The following SLC25A18 variants were observed in gnomAD, a reference collection of about 807,000 sequenced individuals.
The protein encoded by SLC25A18 is solute carrier family 25 member 18.
A neutral mutation model predicts 31.1 loss-of-function variants in SLC25A18; 24 were observed. The observed-to-expected ratio is 0.77, with a 90% CI of 0.56 to 1.08. The LOEUF (loss-of-function observed/expected upper bound fraction) is 1.08. SLC25A18 is among the 50% of genes least tolerant of loss of function. The probability of loss-of-function intolerance (pLI) is 0.00; values close to 1 mark genes in which losing one functional copy is unlikely to be tolerated. For synonymous variants in SLC25A18, 173 were observed against 161.9 expected (o/e 1.07, Z -0.52); for missense variants, 371 against 418.5 (o/e 0.89, Z 0.99).
Position 17,590,812 on chromosome 22 carries a change from C to G in SLC25A18, c.*576C>G, listed in dbSNP as rs1232320140. Reference sequence around the variant, plus strand: ...CTCTGACTGGGCAGCTCAGCCCCTCCCCCAGAGCCCAGGGTCTTGCACACC... The same window carrying G: ...CTCTGACTGGGCAGCTCAGCCCCTCGCCCAGAGCCCAGGGTCTTGCACACC... On this transcript the variant is annotated 3_prime_UTR_variant, in exon 11 of 11. Coordinates refer to ENST00000327451, the MANE Select transcript of SLC25A18 (RefSeq NM_031481.3). 6.5e-6 allele frequency: 1 copy of G among 152,888 alleles called. No homozygotes were observed. The highest frequency in any genetic ancestry group is 1.5e-5 in the Non-Finnish European group (1 of 68,562). 9.5% of individuals were successfully genotyped at this position (152,888 alleles called of 1,614,324 possible). A position where few individuals can be genotyped will look rare whatever the true frequency, so the allele number is the denominator to read the frequency against.
intron 1 of SLC25A18, among the ~76,000 whole-genome samples, chr22:17,569,124 T>G (rs1008672137): frequency 1.3e-5 from 2 of 150,564 alleles, no homozygotes; most frequent in African/African-American, 4.9e-5. Flanking sequence ...TTCTCCTGCC[T>G]CCGCATCCCG....
chr22:17,579,676 G>A (rs1187704114), intron 2 of SLC25A18, 69 bp from the exon 3 acceptor site: 3 of 1,213,342 alleles, frequency 2.5e-6, no homozygotes, highest in East Asian at 3.2e-5. Context: ...CAAGCGGGCC[G>A]CATGAATCCA....
chr22:17,588,061 G>T lies in SLC25A18; in HGVS notation c.712G>T (p.Ala238Ser). 6.2e-7 allele frequency: 1 copy of T among 1,614,056 alleles called. No homozygotes were observed. The highest frequency in any genetic ancestry group is 1.1e-5 in the South Asian group (1 of 90,998). The stretch of plus-strand genomic sequence containing the variant: ...TGTGGCAGGTTCCATAGCTGCGGTC[G>T]CAGTGACGCCTCTAGATGGTAAGGA... ...GCVAGSIAAV[A>S]VTPLDVLKTR... The change falls in exon 9 of 11, where the codon GCA (alanine) becomes TCA (serine). Residue 238 changes from alanine (A) to serine (S), a missense_variant. Transcript: ENST00000327451.
At chr22:17,571,570 T>C (rs2146214058) in intron 2 of SLC25A18, among the ~76,000 whole-genome samples, 1 of 151,450 alleles carries the variant, frequency 6.6e-6, no homozygotes, top group East Asian at 1.9e-4. Context: ...GGCTGACGAG[T>C]TCAAGACCAG....
intron 5 of SLC25A18, 180 bp from the exon 6 acceptor site, chr22:17,582,383 A>C (rs938142017): frequency 2.1e-6 from 1 of 481,860 alleles, no homozygotes; most frequent in African/African-American, 2.0e-5. Context: ...CTAAAAAAAA[A>C]GGAGAATGTG....
chr22:17,579,665 G>A, intron 2 of SLC25A18, 80 bp from the exon 3 acceptor site: 1 of 1,162,794 alleles, frequency 8.6e-7, no homozygotes, highest in Non-Finnish European at 1.1e-6. Flanking sequence ...AAAAAGTGGA[G>A]CAAGCGGGCC....
At chr22:17,580,932 TG>T in intron 3 of SLC25A18, 104 bp from the exon 4 acceptor site, 1 of 1,456,732 alleles carries the variant, frequency 6.9e-7, no homozygotes. Context: ...CCTGTGGGGC[TG>T]GGGTTCCCCA....
At chr22:17,586,375 G>A (rs145554242) in intron 7 of SLC25A18, among the ~76,000 whole-genome samples, 2,139 of 148,922 alleles carry the variant, frequency 0.014, 56 homozygotes, top group African/African-American at 0.05. Flanking sequence ...CAGGTATGGT[G>A]GCACATGCCT....
At position 17,585,632 on chromosome 22, in the gene SLC25A18, T is replaced by TA. The variant is rs1346522712; in HGVS notation, c.410-1504_410-1503insA. On this transcript the variant is annotated intron_variant, in intron 7 of 10. Transcript: ENST00000327451. ...AACATTTTATTTTATTATTATTTAT[T>TA]TTATTATTATTATTATTATTTTTTT... Among the ~76,000 whole-genome samples the TA allele has an allele frequency of 1.1e-4, 15 of 140,902 alleles. No homozygotes were observed. In the East Asian group the frequency reaches 1.8e-3, roughly 17 times the overall value. 92.4% of individuals were successfully genotyped at this position (140,902 alleles called of 152,430 possible).
intron 1 of SLC25A18, among the ~76,000 whole-genome samples, chr22:17,568,128 G>A (rs2056984240): frequency 2.0e-5 from 3 of 152,050 alleles, no homozygotes; most frequent in Non-Finnish European, 4.4e-5. Flanking sequence ...ACTTTGGGAG[G>A]CTGAGGCGGG....
chr22:17,590,452 G>A lies in SLC25A18; in HGVS notation c.*216G>A. ...ACACTCGTTTTCCTTTGTGGGCACA[G>A]CTACCAGGGGCTTTTGGAAGCCCCT... On this transcript the variant is annotated 3_prime_UTR_variant, in exon 11 of 11. Transcript: ENST00000327451. The A allele has an allele frequency of 2.0e-6, 1 of 505,776 alleles. No homozygotes were observed. Among genetic ancestry groups the A allele is most frequent in the Non-Finnish European group, 3.4e-6 (1 of 294,632 alleles). The allele number at this position is 505,776 out of a possible 1,614,324, so 31.3% of individuals were successfully genotyped here. A position where few individuals can be genotyped will look rare whatever the true frequency, so the allele number is the denominator to read the frequency against.
chr22:17,570,660 T>C (rs1260415881), intron 2 of SLC25A18, among the ~76,000 whole-genome samples: 2 of 152,134 alleles, frequency 1.3e-5, no homozygotes, highest in African/African-American at 2.4e-5. Context: ...AATTTTTTTT[T>C]CTATTAGTAG....
intron 2 of SLC25A18, among the ~76,000 whole-genome samples, chr22:17,573,500 G>A (rs974459713): frequency 2.6e-5 from 4 of 152,134 alleles, no homozygotes; most frequent in Non-Finnish European, 4.4e-5. Flanking sequence ...CTGGAAATGG[G>A]GCACCTGGGG....
chr22:17,581,187 G>A (rs749648052), intron 4 of SLC25A18, 28 bp downstream of exon 4: 7 of 1,577,366 alleles, frequency 4.4e-6, no homozygotes, highest in Non-Finnish European at 6.0e-6. Flanking sequence ...AGCGTGGAGG[G>A]CAGAGGCGCC....
In SLC25A18 at chr22:17,572,876, C is replaced by T. The variant is rs548711743; in HGVS notation, c.-201+2890C>T. 3.7e-3 allele frequency among the ~76,000 whole-genome samples: 568 copies of T among 152,054 alleles called. 6 individuals are homozygous for T. Among genetic ancestry groups the T allele is most frequent in the African/African-American group, 0.013 (535 of 41,430 alleles). The stretch of plus-strand genomic sequence containing the variant: ...CAGGATGGTCTCAATCTCCTGACCT[C>T]GTGATCCGCCCGCCTCGGCCTCCCG... On this transcript the variant is annotated intron_variant, in intron 2 of 10. Coordinates refer to ENST00000327451, the MANE Select transcript of SLC25A18 (RefSeq NM_031481.3).
intron 7 of SLC25A18, among the ~76,000 whole-genome samples, chr22:17,584,781 CAAAAAAAAAAA>C (rs66948770): frequency 1.0e-4 from 2 of 20,060 alleles, no homozygotes; most frequent in African/African-American, 1.4e-4. Context: ...GAATTCATCT[CAAAAAAAAAAA>C]AAAAAAAAAA....
At chr22:17,580,125 T>C (rs1123031) in intron 3 of SLC25A18, 161 bp downstream of exon 3, 28,446 of 609,142 alleles carry the variant, frequency 0.047, 2,088 homozygotes, top group African/African-American at 0.26. Flanking sequence ...CTGTGGCAAA[T>C]ACGTACACAC....
rs763832302 is a variant in SLC25A18, at chr22:17,590,119, A to T, written c.831A>T (p.Pro277=). ...CARKLWIQEG[P]SAFMKGAGCR... is the part of the protein sequence containing the mutation. ...GGAAACTCTGGATTCAGGAGGGACC[A>T]TCTGCCTTCATGAAAGGCGCTGGCT... The change falls in exon 11 of 11, where the codon CCA becomes CCT. Residue 277 remains proline, a synonymous_variant. Coordinates refer to ENST00000327451, the MANE Select transcript of SLC25A18 (RefSeq NM_031481.3). 1 of 1,614,204 alleles carries T rather than the reference A, an allele frequency of 6.2e-7. No individual in the cohort carries two copies. The highest frequency in any genetic ancestry group is 8.5e-7 in the Non-Finnish European group (1 of 1,180,048).
intron 10 of SLC25A18, among the ~76,000 whole-genome samples, 190 bp from the exon 11 acceptor site, chr22:17,589,905 C>T (rs966211127): frequency 2.0e-5 from 3 of 152,190 alleles, no homozygotes; most frequent in Non-Finnish European, 4.4e-5. Context: ...AAGGCCTTGA[C>T]CCAACTGCAT....
Sources: gnomAD v4.1 joint callset for allele counts (sites outside exome capture counted in the v4.1 genomes callset) on GRCh38, gnomAD v4.1.1 for gene constraint, MANE v1.5 for transcripts, NCBI Gene and HGNC (gene_info 2026-07-23, HGNC 2026-07-21) for gene names.